Variants in RHBDL3 observed in about 807,000 individuals in gnomAD.
RHBDL3 encodes rhomboid-related protein 3.
A neutral mutation model predicts 48.2 loss-of-function variants in RHBDL3; 28 were observed. The ratio of observed to expected loss-of-function variants is 0.58; its 90% CI spans 0.43 to 0.80. The LOEUF (loss-of-function observed/expected upper bound fraction) is 0.80, where lower values mean the gene tolerates loss of function less well. Among genes scored for constraint, RHBDL3 ranks in the 30% least tolerant of loss-of-function variants. The pLI, the probability that RHBDL3 is intolerant of heterozygous loss-of-function variation, is 0.00. For missense variants in RHBDL3, 464 were observed against 542.7 expected, an observed-to-expected ratio of 0.85 and a Z score of 1.44; for synonymous variants, 208 against 232.3, an observed-to-expected ratio of 0.90 and a Z score of 0.95.
chr17:32,315,688 G>A (rs2040954262), intron 7 of RHBDL3, among the ~76,000 whole-genome samples: 2 of 151,726 alleles, frequency 1.3e-5, no homozygotes, highest in Non-Finnish European at 2.9e-5. Context: ...TCTCTCTGAA[G>A]TTTTCATCCA....
intron 3 of RHBDL3, among the ~76,000 whole-genome samples, chr17:32,285,022 A>G (rs1010378818): frequency 2.0e-5 from 3 of 152,080 alleles, no homozygotes; most frequent in Non-Finnish European, 4.4e-5. Flanking sequence ...CCCATCCTCA[A>G]GGCAGCACCT....
Position 32,315,756 on chromosome 17 carries a change from T to A in RHBDL3, c.883-476T>A, listed in dbSNP as rs1044113992. On this transcript the variant is annotated intron_variant, in intron 7 of 8. Transcript: ENST00000269051. ...GAATGTGCCCTTTCCTTGTGTTGACTCATTTGATATTTGACAACAATGAAC... is the reference window on the plus strand; with the variant it reads ...GAATGTGCCCTTTCCTTGTGTTGACACATTTGATATTTGACAACAATGAAC... Among the ~76,000 whole-genome samples the A allele has an allele frequency of 5.3e-5, 8 of 151,996 alleles. No homozygotes were observed. The South Asian group carries it at 8.3e-4, about 16-fold the overall frequency.
rs1257000753 is a variant in RHBDL3 at position 32,276,058 on chromosome 17, G to A, written c.135+8133G>A. ...CCTCAGGCAGGGGGCATGTCTCTGA[G>A]TACCTCAATTTTTGTATCTGTTAAG... On this transcript the variant is annotated intron_variant, in intron 2 of 8. Coordinates refer to ENST00000269051, the MANE Select transcript of RHBDL3 (RefSeq NM_138328.3). Among the ~76,000 whole-genome samples the A allele has an allele frequency of 2.6e-5, 4 of 152,298 alleles. No individual in the cohort carries two copies. The South Asian group carries it at 8.3e-4, about 32-fold the overall frequency.
chr17:32,316,521 CT>C (rs1007339710), intron 8 of RHBDL3, among the ~76,000 whole-genome samples: 9 of 151,460 alleles, frequency 5.9e-5, no homozygotes, highest in South Asian at 2.1e-4. Context: ...ATATTTTCAT[CT>C]TTTTTTTTGA....
rs1391755104 is a variant in RHBDL3 at position 32,266,243 on chromosome 17, G to T, written c.54G>T (p.Glu18Asp). Residue 18 changes from glutamate to aspartate, a missense_variant, in exon 1 of 9, where the codon GAG becomes GAT. Physicochemically the swap from Glu to Asp is conservative, Grantham distance 45. Transcript: ENST00000269051. ...CGGTGGCCGCCTGCGCCGAGGCGGA[G>T]CGCATCGAGGAGCTGGAACCCGAGG... ...GPAVAACAEA[E>D]RIEELEPEAE... 1 of 1,457,422 alleles carries T rather than the reference G, an allele frequency of 6.9e-7. No homozygotes were observed. The highest frequency in any genetic ancestry group is 2.5e-5 in the Admixed American group (1 of 39,216). The allele number at this position is 1,457,422 out of a possible 1,614,324, so 90.3% of individuals were successfully genotyped here. A position where few individuals can be genotyped will look rare whatever the true frequency, so the allele number is the denominator to read the frequency against.
chr17:32,266,859 G>C (rs1172626041), intron 1 of RHBDL3, among the ~76,000 whole-genome samples: 1 of 151,892 alleles, frequency 6.6e-6, no homozygotes, highest in Non-Finnish European at 1.5e-5. Context: ...AGTGCTGGGA[G>C]CGGCTTTGCT....
At chr17:32,288,622 AC>A in intron 3 of RHBDL3, among the ~76,000 whole-genome samples, 169 bp from the exon 4 acceptor site, 1 of 152,118 alleles carries the variant, frequency 6.6e-6, no homozygotes, top group Non-Finnish European at 1.5e-5. Flanking sequence ...GAGAATAATA[AC>A]CCCTGACACC....
At chr17:32,278,580 C>G (rs1013863475) in intron 2 of RHBDL3, among the ~76,000 whole-genome samples, 9 of 152,182 alleles carry the variant, frequency 5.9e-5, no homozygotes, top group Admixed American at 3.9e-4. Context: ...CTCTCAAACT[C>G]TCTTTAGCCA....
chr17:32,311,324 T>C (rs1399461050), intron 7 of RHBDL3, among the ~76,000 whole-genome samples: 1 of 152,220 alleles, frequency 6.6e-6, no homozygotes. Context: ...GCACTGATTT[T>C]ATTGGCGGGA....
intron 7 of RHBDL3, among the ~76,000 whole-genome samples, chr17:32,310,203 G>A (rs1438573246): frequency 6.6e-6 from 1 of 152,146 alleles, no homozygotes; most frequent in Non-Finnish European, 1.5e-5. Flanking sequence ...AATGTTTGAG[G>A]TCTGAATTTT....
intron 6 of RHBDL3, among the ~76,000 whole-genome samples, chr17:32,302,547 ATATAT>A (rs139678329): frequency 0.35 from 47,845 of 137,002 alleles, 9,321 homozygotes; most frequent in Non-Finnish European, 0.45. Flanking sequence ...ATATATATAT[ATATAT>A]TTTTTTTTAG....
chr17:32,307,281 G>A (rs1438342069), intron 7 of RHBDL3, among the ~76,000 whole-genome samples: 1 of 151,948 alleles, frequency 6.6e-6, no homozygotes, highest in Admixed American at 6.6e-5. Context: ...GTGAATGAAG[G>A]AAGGAAGGCA....
At chr17:32,291,221 T>G (rs901448102) in intron 4 of RHBDL3, among the ~76,000 whole-genome samples, 45 of 151,612 alleles carry the variant, frequency 3.0e-4, no homozygotes, top group African/African-American at 1.1e-3. Context: ...TAATCCCAGC[T>G]ACTGGGGAGG....
At chr17:32,274,211 G>A (rs1454232973) in intron 2 of RHBDL3, among the ~76,000 whole-genome samples, 1 of 152,238 alleles carries the variant, frequency 6.6e-6, no homozygotes, top group Non-Finnish European at 1.5e-5. Flanking sequence ...ATGGCAGAGG[G>A]TGAAGGGTGA....
Position 32,266,271 on chromosome 17 carries a change from G to A in RHBDL3, c.82G>A (p.Glu28Lys), listed in dbSNP as rs1462241703. 3 of 1,468,262 alleles carry A rather than the reference G, an allele frequency of 2.0e-6. No homozygotes were observed. The African/African-American group carries it at 4.4e-5, about 22-fold the overall frequency. 91.0% of individuals were successfully genotyped at this position (1,468,262 alleles called of 1,614,324 possible). A position where few individuals can be genotyped will look rare whatever the true frequency, so the allele number is the denominator to read the frequency against. ...CATCGAGGAGCTGGAACCCGAGGCC[G>A]AGGAGCGGCTGCCCGCGGCGCCGGA... ...ERIEELEPEA[E>K]ERLPAAPEDH... Residue 28 changes from glutamate (E) to lysine (K), a missense_variant, in exon 1 of 9, where the codon GAG (glutamate) becomes AAG (lysine). Glu to Lys is a moderately conservative substitution (Grantham distance 56, BLOSUM62 1). Coordinates refer to ENST00000269051, the MANE Select transcript of RHBDL3 (RefSeq NM_138328.3).
chr17:32,266,414 C>A (rs1463426458), intron 1 of RHBDL3, 114 bp downstream of exon 1: 7 of 502,404 alleles, frequency 1.4e-5, no homozygotes, highest in Non-Finnish European at 2.3e-5. Flanking sequence ...GCGGGAGCGC[C>A]CCGGATTGGC....
chr17:32,304,127 C>T (rs1267912928), intron 6 of RHBDL3, among the ~76,000 whole-genome samples: 1 of 152,190 alleles, frequency 6.6e-6, no homozygotes, highest in Non-Finnish European at 1.5e-5. Flanking sequence ...CAGCTTCCCT[C>T]CCAGGACAAA....
At chr17:32,298,263 C>A in intron 6 of RHBDL3, 59 bp downstream of exon 6, 1 of 1,179,332 alleles carries the variant, frequency 8.5e-7, no homozygotes, top group South Asian at 1.3e-5. Flanking sequence ...GGTGGGAGAC[C>A]CTGTGGGGCG....
intron 2 of RHBDL3, among the ~76,000 whole-genome samples, chr17:32,275,111 C>T (rs1012988369): frequency 6.6e-6 from 1 of 152,150 alleles, no homozygotes. Context: ...GAAGCAGCGG[C>T]GGCCAGCAGT....
Sources: gnomAD v4.1 joint callset for allele counts (sites outside exome capture counted in the v4.1 genomes callset) on GRCh38, gnomAD v4.1.1 for gene constraint, MANE v1.5 for transcripts, NCBI Gene and HGNC (gene_info 2026-07-23, HGNC 2026-07-21) for gene names.